Variants in LRP1B observed in about 807,000 individuals in gnomAD.
LRP1B encodes LDL receptor related protein 1B.
Under a neutral mutation model 556.6 loss-of-function variants are expected in LRP1B, and 217 were observed. That is an observed-to-expected ratio of 0.39 (90% CI 0.35 to 0.44). LRP1B has a LOEUF of 0.44. Ranked by LOEUF, LRP1B falls within the 20% of genes least tolerant of loss-of-function variation. The pLI is 1.00. For synonymous variants in LRP1B, 2,047 were observed against 1,865.8 expected (o/e 1.10, Z -2.50); for missense variants, 5,053 against 5,620.8 (o/e 0.90, Z 3.23).
intron 21 of LRP1B, among the ~76,000 whole-genome samples, chr2:140,909,443 A>G (rs1390110962): frequency 6.6e-6 from 1 of 151,828 alleles, no homozygotes; most frequent in Non-Finnish European, 1.5e-5. Flanking sequence ...TCTTCACACT[A>G]TTATGTCAAA....
chr2:141,529,464 T>C (rs1242394826), intron 2 of LRP1B, among the ~76,000 whole-genome samples: 1 of 152,166 alleles, frequency 6.6e-6, no homozygotes, highest in Non-Finnish European at 1.5e-5. Context: ...ATATTGAAAC[T>C]AACTTATTTT....
chr2:140,380,862 T>C (rs1683440901), intron 67 of LRP1B, among the ~76,000 whole-genome samples: 1 of 152,190 alleles, frequency 6.6e-6, no homozygotes, highest in African/African-American at 2.4e-5. Flanking sequence ...CACAGAATGC[T>C]CATTTTCTAG....
intron 41 of LRP1B, among the ~76,000 whole-genome samples, chr2:140,612,390 T>A (rs1683102264): frequency 6.6e-6 from 1 of 152,184 alleles, no homozygotes; most frequent in Non-Finnish European, 1.5e-5. Flanking sequence ...ATTTCTACAT[T>A]TACCTCTGAA....
At chr2:141,036,977 C>G (rs1328304014) in intron 11 of LRP1B, among the ~76,000 whole-genome samples, 2 of 152,006 alleles carry the variant, frequency 1.3e-5, no homozygotes, top group Non-Finnish European at 2.9e-5. Context: ...ACCTTCAAAA[C>G]CCAGACACGC....
chr2:140,681,929 A>G (rs1685873291), intron 41 of LRP1B, among the ~76,000 whole-genome samples: 1 of 152,174 alleles, frequency 6.6e-6, no homozygotes, highest in Non-Finnish European at 1.5e-5. Context: ...TGCTATGCCT[A>G]AGAAATTTCA....
At chr2:141,781,962 C>A (rs1010689238) in intron 2 of LRP1B, among the ~76,000 whole-genome samples, 2 of 152,110 alleles carry the variant, frequency 1.3e-5, no homozygotes, top group Admixed American at 1.3e-4. Flanking sequence ...GCTCTCTGAG[C>A]GACTATTTTC....
At chr2:141,452,097 C>T (rs768283642) in intron 3 of LRP1B, among the ~76,000 whole-genome samples, 1 of 152,080 alleles carries the variant, frequency 6.6e-6, no homozygotes, top group African/African-American at 2.4e-5. Flanking sequence ...TAATTTAAGG[C>T]TGTATAAAAC....
chr2:140,930,183 C>T (rs1695009853), intron 20 of LRP1B, among the ~76,000 whole-genome samples: 1 of 151,970 alleles, frequency 6.6e-6, no homozygotes, highest in African/African-American at 2.4e-5. Context: ...AAAATGATGA[C>T]AATTTATATG....
chr2:142,015,281 C>G (rs1164936412), intron 1 of LRP1B, among the ~76,000 whole-genome samples: 1 of 152,084 alleles, frequency 6.6e-6, no homozygotes, highest in Non-Finnish European at 1.5e-5. Context: ...GAAAGGATTC[C>G]CTATTTAATA....
chr2:141,476,930 C>T (rs1188827403), intron 3 of LRP1B, among the ~76,000 whole-genome samples: 1 of 152,020 alleles, frequency 6.6e-6, no homozygotes, highest in African/African-American at 2.4e-5. Flanking sequence ...TTGAGACCAG[C>T]CTGACCAACA....
intron 41 of LRP1B, 81 bp downstream of exon 41, chr2:140,700,169 C>T (rs2105419106): frequency 1.7e-6 from 2 of 1,206,974 alleles, no homozygotes; most frequent in Non-Finnish European, 2.4e-6. Flanking sequence ...GTAATTGCTA[C>T]ATGCAATTAC....
chr2:140,254,235 T>C (rs534504899), intron 86 of LRP1B, among the ~76,000 whole-genome samples: 1 of 152,290 alleles, frequency 6.6e-6, no homozygotes. Flanking sequence ...AAAAGCACTA[T>C]TCGACATATA....
At chr2:141,142,816 T>C (rs1467792737) in intron 7 of LRP1B, among the ~76,000 whole-genome samples, 2 of 151,024 alleles carry the variant, frequency 1.3e-5, no homozygotes, top group African/African-American at 2.4e-5. Context: ...TAGTGACTGA[T>C]AAAGCCAAGA....
chr2:140,618,710 C>G (rs995818659), intron 41 of LRP1B, among the ~76,000 whole-genome samples: 18 of 151,966 alleles, frequency 1.2e-4, no homozygotes, highest in Admixed American at 1.2e-3. Context: ...TATTTCCTAG[C>G]TGATGAGATT....
chr2:142,068,729 C>T (rs1338677520), intron 1 of LRP1B, among the ~76,000 whole-genome samples: 1 of 151,538 alleles, frequency 6.6e-6, no homozygotes, highest in East Asian at 1.9e-4. Flanking sequence ...GAGCTGTTTC[C>T]ATTACTGTGT....
chr2:142,003,516 C>G (rs1346497114), intron 1 of LRP1B, among the ~76,000 whole-genome samples: 1 of 152,094 alleles, frequency 6.6e-6, no homozygotes, highest in Non-Finnish European at 1.5e-5. Flanking sequence ...TCTGCCAGCC[C>G]CCTCTGCACA....
At chr2:141,063,807 T>C in intron 7 of LRP1B, among the ~76,000 whole-genome samples, 1 of 151,972 alleles carries the variant, frequency 6.6e-6, no homozygotes, top group East Asian at 1.9e-4. Context: ...CCTCTTCTTT[T>C]ATATTTTTCT....
chr2:141,831,652 A>C (rs986568224), intron 1 of LRP1B, among the ~76,000 whole-genome samples: 1 of 151,680 alleles, frequency 6.6e-6, no homozygotes, highest in African/African-American at 2.4e-5. Flanking sequence ...GGGCATTTTT[A>C]TGGCTCCAGT....
rs183578639 is a variant in LRP1B, at chr2:140,907,806, T to C, written c.3520+71A>G. 1.3e-5 allele frequency: 17 copies of C among 1,310,468 alleles called. No individual in the cohort carries two copies. The African/African-American group carries it at 2.0e-4, about 16-fold the overall frequency. The allele number at this position is 1,310,468 out of a possible 1,614,324, so 81.2% of individuals were successfully genotyped here. ...AATGAAAGGAATGAATGCTACTATATTAAGTAACAGCAACTGAACTAAAAG... is the reference window on the plus strand; with the variant it reads ...AATGAAAGGAATGAATGCTACTATACTAAGTAACAGCAACTGAACTAAAAG... On this transcript the variant is annotated intron_variant, in intron 22 of 90. Transcript: ENST00000389484.
Sources: gnomAD v4.1 joint callset for allele counts (sites outside exome capture counted in the v4.1 genomes callset) on GRCh38, gnomAD v4.1.1 for gene constraint, MANE v1.5 for transcripts, NCBI Gene and HGNC (gene_info 2026-07-23, HGNC 2026-07-21) for gene names.